PDE1C: variants seen among roughly 807,000 people sequenced by gnomAD.
PDE1C encodes dual specificity calcium/calmodulin-dependent 3',5'-cyclic nucleotide phosphodiesterase 1C.
Under a neutral mutation model 93.1 loss-of-function variants are expected in PDE1C, and 62 were observed. That is an observed-to-expected ratio of 0.67 (90% CI 0.54 to 0.82). The LOEUF is 0.82. Ranked by LOEUF, PDE1C falls within the 40% of genes least tolerant of loss-of-function variation. PDE1C has a pLI of 0.00. For missense variants in PDE1C, 742 were observed against 884.6 expected (o/e 0.84, Z 2.04); for synonymous variants, 325 against 310.1 (o/e 1.05, Z -0.50).
intron 3 of PDE1C, among the ~76,000 whole-genome samples, chr7:32,155,736 G>A (rs1363764664): frequency 1.3e-5 from 2 of 152,202 alleles, no homozygotes; most frequent in African/African-American, 4.8e-5. Context: ...GCCCCTGAGG[G>A]AAAGAACATC....
At chr7:32,012,142 C>T (rs76089397) in intron 2 of PDE1C, among the ~76,000 whole-genome samples, 4,056 of 152,108 alleles carry the variant, frequency 0.027, 180 homozygotes, top group African/African-American at 0.092. Flanking sequence ...CTAGGTAATT[C>T]CTAAAGAAAA....
At chr7:32,147,094 A>G (rs1029549) in intron 3 of PDE1C, among the ~76,000 whole-genome samples, 24,822 of 151,840 alleles carry the variant, frequency 0.16, 2,470 homozygotes, top group Middle Eastern at 0.24. Flanking sequence ...CACATAATGG[A>G]ATACTCTGGT....
chr7:32,006,430 G>T (rs1377476129), intron 2 of PDE1C, among the ~76,000 whole-genome samples: 1 of 152,154 alleles, frequency 6.6e-6, no homozygotes, highest in Non-Finnish European at 1.5e-5. Context: ...TTACAGGAAC[G>T]AAATGTTTCT....
chr7:31,722,556 G>A, the PDE1C span, among the ~76,000 whole-genome samples: 1 of 152,158 alleles, frequency 6.6e-6, no homozygotes, highest in Non-Finnish European at 1.5e-5. Flanking sequence ...CTTATAACAA[G>A]GGAGCCTGAC....
At chr7:31,921,342 G>A (rs918021041) in intron 2 of PDE1C, among the ~76,000 whole-genome samples, 3 of 152,190 alleles carry the variant, frequency 2.0e-5, no homozygotes, top group East Asian at 3.9e-4. Flanking sequence ...GTGCATTCTT[G>A]TAGTTAGCGA....
chr7:31,800,309 C>G (rs1785845309), intron 16 of PDE1C, among the ~76,000 whole-genome samples: 6 of 151,406 alleles, frequency 4.0e-5, no homozygotes, highest in Admixed American at 4.0e-4. Flanking sequence ...CCTAATAAAT[C>G]TTTGCTTAAC....
At chr7:32,157,821 G>A (rs974895387) in intron 3 of PDE1C, among the ~76,000 whole-genome samples, 2 of 152,198 alleles carry the variant, frequency 1.3e-5, no homozygotes, top group Admixed American at 1.3e-4. Flanking sequence ...TTACATGGAA[G>A]ATAATGTAGC....
chr7:31,875,105 C>G (rs1416517702), intron 5 of PDE1C, among the ~76,000 whole-genome samples: 1 of 152,132 alleles, frequency 6.6e-6, no homozygotes, highest in Non-Finnish European at 1.5e-5. Flanking sequence ...TAAAGCTTTA[C>G]CTTGGTTACT....
rs10435127 is a variant in PDE1C, at chr7:31,999,342, C to T, written c.128+52212G>A. 3.8e-3 allele frequency among the ~76,000 whole-genome samples: 578 copies of T among 152,300 alleles called. 11 individuals are homozygous for T. The East Asian group carries it at 0.051, about 14-fold the overall frequency. On this transcript the variant is annotated intron_variant, in intron 2 of 17. Coordinates refer to ENST00000396191, the MANE Select transcript of PDE1C (RefSeq NM_001191057.4). ...TCATAAGAACATATCACAGGTTGCA[C>T]ACGCTCAAATTACACTTGGGAAAAT...
intron 15 of PDE1C, among the ~76,000 whole-genome samples, chr7:31,810,946 A>T (rs1391819533): frequency 2.6e-5 from 4 of 152,144 alleles, no homozygotes; most frequent in Non-Finnish European, 4.4e-5. Flanking sequence ...TTTGACAAAT[A>T]CTAAGCTAAG....
chr7:31,731,301 T>A, the PDE1C span, among the ~76,000 whole-genome samples: 16 of 152,044 alleles, frequency 1.1e-4, 1 homozygote, highest in African/African-American at 3.4e-4. Flanking sequence ...GGCCCGTTCA[T>A]TTAGCTCTTC....
At chr7:31,668,304 A>G in the PDE1C span, among the ~76,000 whole-genome samples, 1 of 152,064 alleles carries the variant, frequency 6.6e-6, no homozygotes, top group Non-Finnish European at 1.5e-5. Context: ...TTGCCATTTG[A>G]CCCAGCAATT....
intron 2 of PDE1C, among the ~76,000 whole-genome samples, chr7:32,050,874 T>C (rs550080198): frequency 6.6e-6 from 1 of 152,322 alleles, no homozygotes; most frequent in African/African-American, 2.4e-5. Context: ...TCGGAGGCCA[T>C]GCACTCAAAA....
intron 1 of PDE1C, among the ~76,000 whole-genome samples, chr7:32,238,469 T>A (rs1441031080): frequency 1.3e-5 from 2 of 152,252 alleles, no homozygotes; most frequent in East Asian, 3.8e-4. Flanking sequence ...GTGCTTGACA[T>A]ATAATAAGTG....
intron 2 of PDE1C, among the ~76,000 whole-genome samples, chr7:31,959,214 G>GTTTGTTTT (rs1808575066): frequency 6.6e-6 from 1 of 151,978 alleles, no homozygotes; most frequent in South Asian, 2.1e-4. Flanking sequence ...TTGTTTGTTT[G>GTTTGTTTT]TTTGTTTGTT....
At chr7:31,697,836 A>T in the PDE1C span, among the ~76,000 whole-genome samples, 1 of 152,234 alleles carries the variant, frequency 6.6e-6, no homozygotes, top group Non-Finnish European at 1.5e-5. Flanking sequence ...TTAACTGACT[A>T]ATATAATAGA....
intron 9 of PDE1C, among the ~76,000 whole-genome samples, chr7:31,845,175 C>T (rs1323174718): frequency 6.6e-6 from 1 of 152,092 alleles, no homozygotes; most frequent in African/African-American, 2.4e-5. Flanking sequence ...GCACATTTTT[C>T]ATTACCTCAC....
At chr7:32,144,295 C>T (rs1385889672) in intron 3 of PDE1C, among the ~76,000 whole-genome samples, 1 of 152,118 alleles carries the variant, frequency 6.6e-6, no homozygotes, top group Non-Finnish European at 1.5e-5. Flanking sequence ...TACAGGTAGG[C>T]ATTTTCCCCA....
rs542025995 is a variant in PDE1C, at chr7:32,417,841, C to A, written c.310+9981G>T. Among the ~76,000 whole-genome samples the A allele has an allele frequency of 2.1e-4, 32 of 152,172 alleles. No individual in the cohort carries two copies. In the South Asian group the frequency reaches 6.6e-3, roughly 32 times the overall value. ...ATTTTACTTGTATTTCAACTTTAAC[C>A]AAACAGAAATCATGTGACTCAACGT... On this transcript the variant is annotated intron_variant, in intron 1 of 1. Transcript: ENST00000672256.
Sources: allele counts gnomAD v4.1 joint callset (sites outside exome capture counted in the v4.1 genomes callset), GRCh38; gene constraint gnomAD v4.1.1; transcripts MANE v1.5; gene names NCBI Gene and HGNC (gene_info 2026-07-23, HGNC 2026-07-21).